The following ALDH6A1 variants were observed in gnomAD, a reference collection of about 807,000 sequenced individuals.
ALDH6A1 encodes aldehyde dehydrogenase 6 family member A1.
Under a neutral mutation model 62.6 loss-of-function variants are expected in ALDH6A1, and 43 were observed. The ratio of observed to expected loss-of-function variants is 0.69; its 90% CI spans 0.54 to 0.89. The LOEUF is 0.89. Ranked by LOEUF, ALDH6A1 falls within the 40% of genes least tolerant of loss-of-function variation. ALDH6A1 has a pLI of 0.00. For missense variants in ALDH6A1, 551 were observed against 661.3 expected (o/e 0.83, Z 1.83); for synonymous variants, 194 against 234.2 (o/e 0.83, Z 1.57).
Position 74,057,426 on chromosome 14 carries a change from G to T in ALDH6A1, c.*3216C>A. 1 of 1,511,622 alleles carries T rather than the reference G, an allele frequency of 6.6e-7. No individual in the cohort carries two copies. Among genetic ancestry groups the T allele is most frequent in the Non-Finnish European group, 8.8e-7 (1 of 1,133,078 alleles). 93.6% of individuals were successfully genotyped at this position (1,511,622 alleles called of 1,614,324 possible). On this transcript the variant is annotated 3_prime_UTR_variant, in exon 12 of 12. Coordinates refer to ENST00000553458, the MANE Select transcript of ALDH6A1 (RefSeq NM_005589.4). ...TACATAAATTTTTAAAGCAATATCC[G>T]TACAAATGCATATTATACTAATGCA...
rs1466982411 is a variant in ALDH6A1 at position 74,071,988 on chromosome 14, A to G, written c.349-14T>C. 1 of 1,611,738 alleles carries G rather than the reference A, an allele frequency of 6.2e-7. No homozygotes were observed. The highest frequency in any genetic ancestry group is 1.7e-4 in the Middle Eastern group (1 of 6,054). On this transcript the variant is annotated splice_polypyrimidine_tract_variant and intron_variant, in intron 4 of 11. Coordinates refer to ENST00000553458, the MANE Select transcript of ALDH6A1 (RefSeq NM_005589.4). ...GGCAATTTCTTTCTAGAGAGAAGAC[A>G]CACAAATAGAAATTAATGCAAGAAT...
At chr14:74,077,695 C>T (rs1190585792) in intron 1 of ALDH6A1, among the ~76,000 whole-genome samples, 2 of 152,200 alleles carry the variant, frequency 1.3e-5, no homozygotes, top group African/African-American at 2.4e-5. Flanking sequence ...CCAAACACCT[C>T]CCACTAGGTC....
chr14:74,082,643 A>C (rs2060681953), intron 1 of ALDH6A1: 1 of 151,992 alleles, frequency 6.6e-6, no homozygotes, highest in South Asian at 2.1e-4. Context: ...CAGGTGATCC[A>C]CCCACCTTGG....
In ALDH6A1 at chr14:74,067,511, T is replaced by C. The variant is rs1384875423; in HGVS notation, c.911A>G (p.Gln304Arg). The C allele has an allele frequency of 1.2e-6, 2 of 1,614,032 alleles. No homozygotes were observed. The highest frequency in any genetic ancestry group is 1.3e-5 in the African/African-American group (1 of 74,904). Residue 304 changes from glutamine (Q) to arginine (R), a missense_variant, in exon 8 of 12, where the codon CAG becomes CGG. Gln to Arg is a conservative substitution (Grantham distance 43). Coordinates refer to ENST00000553458, the MANE Select transcript of ALDH6A1 (RefSeq NM_005589.4). ...AGCTCCAAATGCTGCCCCAACCAGC[T>C]GGTTCAGGGTATTTTCCTTATTGGC... Reference protein sequence around the residue: ...PDANKENTLNQLVGAAFGAAG... With the variant: ...PDANKENTLNRLVGAAFGAAG...
Position 74,064,936 on chromosome 14 carries a change from T to TC in ALDH6A1, c.1405-17dup, listed in dbSNP as rs762264950. ...TCACTCCCACCTAAAACAGAACAAA[T>TC]CCGTGTCATATCCTAAGGACAAAGG... On this transcript the variant is annotated splice_polypyrimidine_tract_variant and intron_variant, in intron 10 of 11. Coordinates refer to ENST00000553458, the MANE Select transcript of ALDH6A1 (RefSeq NM_005589.4). The TC allele has an allele frequency of 3.7e-6, 6 of 1,606,874 alleles. No homozygotes were observed. The highest frequency in any genetic ancestry group is 4.3e-6 in the Non-Finnish European group (5 of 1,174,118).
chr14:74,072,387 G>T, intron 3 of ALDH6A1, 23 bp from the exon 4 acceptor site: 1 of 1,614,018 alleles, frequency 6.2e-7, no homozygotes, highest in South Asian at 1.1e-5. Context: ...ATAAGCACAT[G>T]ATCCTTTGCC....
intron 11 of ALDH6A1, among the ~76,000 whole-genome samples, chr14:74,062,043 T>C (rs2060353958): frequency 8.7e-6 from 1 of 114,470 alleles, no homozygotes; most frequent in Non-Finnish European, 1.7e-5. Context: ...AAACCTCGTC[T>C]CTACTGGGAA....
At chr14:74,084,252 G>C in intron 1 of ALDH6A1, 95 bp downstream of exon 1, 1 of 1,579,538 alleles carries the variant, frequency 6.3e-7, no homozygotes, top group Middle Eastern at 1.7e-4. Context: ...AAGGGGTTGG[G>C]CCAAGAAGGT....
chr14:74,073,161 T>C (rs1275642826), intron 2 of ALDH6A1, among the ~76,000 whole-genome samples: 1 of 151,996 alleles, frequency 6.6e-6, no homozygotes, highest in Non-Finnish European at 1.5e-5. Flanking sequence ...GGCTGGAGTG[T>C]AGTGTGATCA....
chr14:74,057,454 T>C lies in ALDH6A1; in HGVS notation c.*3188A>G, dbSNP rs79150332. On this transcript the variant is annotated 3_prime_UTR_variant, in exon 12 of 12. Transcript: ENST00000553458. ...CAAATGCATATTATACTAATGCAAA[T>C]GCAAATGTGTGCCTCTTTTTGTGTA... The C allele has an allele frequency of 1.2e-5, 17 of 1,459,386 alleles. No homozygotes were observed. The East Asian group carries it at 4.1e-4, about 35-fold the overall frequency. 90.4% of individuals were successfully genotyped at this position (1,459,386 alleles called of 1,614,324 possible).
In ALDH6A1 at chr14:74,064,310, AAT is replaced by A. The variant is rs1555376458; in HGVS notation, c.1503+510_1503+511del. On this transcript the variant is annotated intron_variant, in intron 11 of 11. Coordinates refer to ENST00000553458, the MANE Select transcript of ALDH6A1 (RefSeq NM_005589.4). Reference sequence around the variant, plus strand: ...GAGACTGTGTCTCAAAAAAAAAAAAAATAATAATAATAATAGTAATAATAATG... The same window carrying A: ...GAGACTGTGTCTCAAAAAAAAAAAAAAATAATAATAATAGTAATAATAATG... Among the ~76,000 whole-genome samples the A allele has an allele frequency of 1.8e-3, 259 of 140,210 alleles. 1 individual carries two copies. The highest frequency in any genetic ancestry group is 5.6e-3 in the African/African-American group (196 of 35,216). The allele number at this position is 140,210 out of a possible 152,430, so 92.0% of individuals were successfully genotyped here.
Position 74,058,678 on chromosome 14 carries a change from C to T in ALDH6A1, c.*1964G>A, listed in dbSNP as rs551007496. On this transcript the variant is annotated 3_prime_UTR_variant, in exon 12 of 12. Transcript: ENST00000553458. Reference sequence around the variant, plus strand: ...GCACTATCAAAGTGACTGGTAAGGACGCAGGAAAATAAAAAGAGGATTCAA... The same window carrying T: ...GCACTATCAAAGTGACTGGTAAGGATGCAGGAAAATAAAAAGAGGATTCAA... 4 of 151,476 alleles carry T rather than the reference C, an allele frequency of 2.6e-5. No homozygotes were observed. Among genetic ancestry groups the T allele is most frequent in the South Asian group, 2.1e-4 (1 of 4,808 alleles). 9.4% of individuals were successfully genotyped at this position (151,476 alleles called of 1,614,324 possible). A position where few individuals can be genotyped will look rare whatever the true frequency, so the allele number is the denominator to read the frequency against.
At chr14:74,077,493 G>A (rs2060624762) in intron 1 of ALDH6A1, among the ~76,000 whole-genome samples, 1 of 152,148 alleles carries the variant, frequency 6.6e-6, no homozygotes, top group Admixed American at 6.6e-5. Flanking sequence ...TCTGTCCTGT[G>A]TCATAATATA....
At chr14:74,071,848 T>C in intron 5 of ALDH6A1, 48 bp downstream of exon 5, 2 of 1,592,724 alleles carry the variant, frequency 1.3e-6, no homozygotes, top group Non-Finnish European at 1.7e-6. Flanking sequence ...TTGCCTCCCA[T>C]CTTCCTTTGG....
chr14:74,057,386 A>G lies in ALDH6A1; in HGVS notation c.*3256T>C, dbSNP rs778509715. 5.2e-6 allele frequency: 8 copies of G among 1,549,804 alleles called. No individual in the cohort carries two copies. Among genetic ancestry groups the G allele is most frequent in the Non-Finnish European group, 4.4e-6 (5 of 1,148,986 alleles). On this transcript the variant is annotated 3_prime_UTR_variant, in exon 12 of 12. Transcript: ENST00000553458. ...CAGGGATCAGTGGAATGAGTAATAAATAGCATTAGTAGATTACATAAATTT... is the reference window on the plus strand; with the variant it reads ...CAGGGATCAGTGGAATGAGTAATAAGTAGCATTAGTAGATTACATAAATTT...
Position 74,057,701 on chromosome 14 carries a change from C to T in ALDH6A1, c.*2941G>A. ...AGTTTTTAATTTATAATTTGTTATT[C>T]ATAATTAGTACAATGTAGAATCTGA... On this transcript the variant is annotated 3_prime_UTR_variant, in exon 12 of 12. Transcript: ENST00000553458. 8.0e-7 allele frequency: 1 copy of T among 1,255,284 alleles called. No individual in the cohort carries two copies. The allele number at this position is 1,255,284 out of a possible 1,614,324, so 77.8% of individuals were successfully genotyped here.
At chr14:74,076,156 C>T (rs2060610592) in intron 1 of ALDH6A1, among the ~76,000 whole-genome samples, 1 of 152,130 alleles carries the variant, frequency 6.6e-6, no homozygotes, top group African/African-American at 2.4e-5. Flanking sequence ...TGTTAAAACT[C>T]ATCAAACTGC....
chr14:74,057,650 T>G lies in ALDH6A1; in HGVS notation c.*2992A>C. ...CTTATAAGGAGATATGAAATGATTT[T>G]TTTAAGCCAAGTTTTTCTCTTTAAG... is the stretch of plus-strand genomic sequence containing the variant. On this transcript the variant is annotated 3_prime_UTR_variant, in exon 12 of 12. Coordinates refer to ENST00000553458, the MANE Select transcript of ALDH6A1 (RefSeq NM_005589.4). 1 of 1,331,384 alleles carries G rather than the reference T, an allele frequency of 7.5e-7. No homozygotes were observed. The highest frequency in any genetic ancestry group is 9.8e-7 in the Non-Finnish European group (1 of 1,017,834). The allele number at this position is 1,331,384 out of a possible 1,614,324, so 82.5% of individuals were successfully genotyped here.
rs1047800279 is a variant in ALDH6A1 at position 74,060,429 on chromosome 14, T to C, written c.*213A>G. The C allele has an allele frequency of 1.8e-6, 1 of 564,964 alleles. No individual in the cohort carries two copies. Among genetic ancestry groups the C allele is most frequent in the Non-Finnish European group, 3.2e-6 (1 of 314,226 alleles). The allele number at this position is 564,964 out of a possible 1,614,324, so 35.0% of individuals were successfully genotyped here. A position where few individuals can be genotyped will look rare whatever the true frequency, so the allele number is the denominator to read the frequency against. ...CATAGTTACAACAGTTACCTCAAAA[T>C]AGAAGTATGAAGAGCAAGTGAGAAA... On this transcript the variant is annotated 3_prime_UTR_variant, in exon 12 of 12. Transcript: ENST00000553458.
Sources: allele counts gnomAD v4.1 joint callset (sites outside exome capture counted in the v4.1 genomes callset), GRCh38; gene constraint gnomAD v4.1.1; transcripts MANE v1.5; gene names NCBI Gene and HGNC (gene_info 2026-07-23, HGNC 2026-07-21).